ATAD3A: variants seen among roughly 807,000 people sequenced by gnomAD.
The protein encoded by ATAD3A is ATPase family AAA domain-containing protein 3A.
In ATAD3A, 46 loss-of-function variants were observed where a neutral mutation model predicts 73.8. That is an observed-to-expected ratio of 0.62 (90% CI 0.49 to 0.80). The LOEUF is 0.80. Among genes scored for constraint, ATAD3A ranks in the 30% least tolerant of loss-of-function variants. The pLI, the probability that ATAD3A is intolerant of heterozygous loss-of-function variation, is 0.00. For missense variants in ATAD3A, 705 were observed against 838.0 expected (o/e 0.84, Z 1.96); for synonymous variants, 319 against 350.0 (o/e 0.91, Z 0.99).
At chr1:1,531,433 C>T (rs1214082982) in intron 15 of ATAD3A, among the ~76,000 whole-genome samples, 1 of 141,032 alleles carries the variant, frequency 7.1e-6, no homozygotes, top group Non-Finnish European at 1.5e-5. Flanking sequence ...CCTGGCAACA[C>T]AGTGAGACTC....
intron 2 of ATAD3A, among the ~76,000 whole-genome samples, chr1:1,516,769 G>T (rs140098719): frequency 2.2e-4 from 34 of 152,116 alleles, no homozygotes; most frequent in African/African-American, 7.2e-4. Flanking sequence ...CCAGGCCGGT[G>T]TGCAGTGGCG....
intron 4 of ATAD3A, 67 bp from the exon 5 acceptor site, chr1:1,518,854 C>G (rs981876462): frequency 5.0e-6 from 8 of 1,613,334 alleles, no homozygotes; most frequent in Non-Finnish European, 6.8e-6. Flanking sequence ...GCACAGTCAT[C>G]CCCCGCACAC....
chr1:1,524,379 C>T lies in ATAD3A; in HGVS notation c.1196C>T (p.Ala399Val). The T allele has an allele frequency of 6.2e-7, 1 of 1,608,732 alleles. No homozygotes were observed. Among genetic ancestry groups the T allele is most frequent in the Non-Finnish European group, 8.5e-7 (1 of 1,178,066 alleles). Residue 399 changes from alanine (A) to valine (V), a missense_variant, in exon 11 of 16, where the codon GCC becomes GTC. Physicochemically the swap from Ala to Val is moderately conservative, Grantham distance 64 (BLOSUM62 0). Transcript: ENST00000378756. The stretch of plus-strand genomic sequence containing the variant: ...GCCATGCACAAGCTCTTTGACTGGG[C>T]CAATACCAGCCGGCGCGGGTGAGAC... ...VTAMHKLFDWANTSRRGLLLF... is the reference protein window; with the variant it reads ...VTAMHKLFDWVNTSRRGLLLF...
At position 1,534,515 on chromosome 1, in the gene ATAD3A, T is replaced by G. The variant is rs1642160965; in HGVS notation, c.*443T>G. On this transcript the variant is annotated 3_prime_UTR_variant, in exon 16 of 16. Coordinates refer to ENST00000378756, the MANE Select transcript of ATAD3A (RefSeq NM_001170535.3). ...GACCCAGGTGGGGCAGCCTGAACCC[T>G]GCTTCCCCCTGTGGCCGGCATGCCC... 1 of 617,334 alleles carries G rather than the reference T, an allele frequency of 1.6e-6. No homozygotes were observed. The highest frequency in any genetic ancestry group is 2.3e-6 in the Non-Finnish European group (1 of 439,616). The allele number at this position is 617,334 out of a possible 1,614,324, so 38.2% of individuals were successfully genotyped here. A position where few individuals can be genotyped will look rare whatever the true frequency, so the allele number is the denominator to read the frequency against.
At position 1,529,385 on chromosome 1, in the gene ATAD3A, T is replaced by A. The variant is rs1641959364; in HGVS notation, c.1614+54T>A. ...GACGGGACCCCAGCTGCTGTGGAGA[T>A]GCTCAGTTGCGCCAGGCCTGTCCCA... On this transcript the variant is annotated intron_variant, in intron 15 of 15. Coordinates refer to ENST00000378756, the MANE Select transcript of ATAD3A (RefSeq NM_001170535.3). 1.4e-5 allele frequency: 21 copies of A among 1,515,150 alleles called. No homozygotes were observed. The South Asian group carries it at 2.6e-4, about 19-fold the overall frequency. The allele number at this position is 1,515,150 out of a possible 1,614,324, so 93.9% of individuals were successfully genotyped here. A position where few individuals can be genotyped will look rare whatever the true frequency, so the allele number is the denominator to read the frequency against.
chr1:1,523,501 C>G lies in ATAD3A; in HGVS notation c.907-10C>G. 1.9e-6 allele frequency: 3 copies of G among 1,611,552 alleles called. No individual in the cohort carries two copies. The highest frequency in any genetic ancestry group is 2.5e-6 in the Non-Finnish European group (3 of 1,179,180). On this transcript the variant is annotated splice_polypyrimidine_tract_variant and intron_variant, in intron 8 of 15. Transcript: ENST00000378756. This position sits in a 1 kb window ranked among gnomAD's most constrained non-coding sequence, Gnocchi z 5.1. ...GTGACCCGATGGCGCTTCCCCTTCC[C>G]CTCCGGCAGGTCAGCCGGCGGCTCC...
chr1:1,525,982 A>G (rs1289244623), intron 12 of ATAD3A, among the ~76,000 whole-genome samples: 1 of 151,460 alleles, frequency 6.6e-6, no homozygotes, highest in Non-Finnish European at 1.5e-5. Flanking sequence ...TGCTGGGATT[A>G]CAGATGTGAG....
chr1:1,525,039 C>T (rs1294911631), intron 11 of ATAD3A, among the ~76,000 whole-genome samples: 1 of 152,210 alleles, frequency 6.6e-6, no homozygotes, highest in Non-Finnish European at 1.5e-5. Context: ...TTCCCACGGC[C>T]TTCTGAGGCT....
At position 1,534,172 on chromosome 1, in the gene ATAD3A, A is replaced by G. The variant is rs530853459; in HGVS notation, c.*100A>G. The G allele has an allele frequency of 6.9e-5, 110 of 1,592,770 alleles. No individual in the cohort carries two copies. The South Asian group carries it at 1.2e-3, about 17-fold the overall frequency. On this transcript the variant is annotated 3_prime_UTR_variant, in exon 16 of 16. Transcript: ENST00000378756. ...ATTTAGGATATGCTCCTGGGTGGGG[A>G]CTGGGCTGTGCCCAGGGCCTCTGTC...
chr1:1,515,858 G>A (rs1299814082), intron 1 of ATAD3A, among the ~76,000 whole-genome samples, 154 bp from the exon 2 acceptor site: 1 of 152,208 alleles, frequency 6.6e-6, no homozygotes, highest in African/African-American at 2.4e-5. Context: ...CGTCACGCCA[G>A]GTCTGACTAG....
At chr1:1,518,666 TACACACAC>T (rs113798902) in intron 4 of ATAD3A, among the ~76,000 whole-genome samples, 4 of 41,300 alleles carry the variant, frequency 9.7e-5, no homozygotes, top group Non-Finnish European at 1.4e-4. Context: ...CCCGCACGGG[TACACACAC>T]ACACACACAC....
chr1:1,524,919 T>C (rs1641747254), intron 11 of ATAD3A, among the ~76,000 whole-genome samples: 1 of 152,048 alleles, frequency 6.6e-6, no homozygotes, highest in Admixed American at 6.5e-5. Flanking sequence ...GACCTTTCAC[T>C]TTAGAAGACC....
rs760973349 is a variant in ATAD3A, at chr1:1,529,295, G to A, written c.1578G>A (p.Ser526=). 5 of 1,604,408 alleles carry A rather than the reference G, an allele frequency of 3.1e-6. No individual in the cohort carries two copies. The highest frequency in any genetic ancestry group is 4.3e-6 in the Non-Finnish European group (5 of 1,176,402). The change falls in exon 15 of 16, where the codon TCG becomes TCA. Residue 526 remains serine (S), a synonymous_variant. Coordinates refer to ENST00000378756, the MANE Select transcript of ATAD3A (RefSeq NM_001170535.3). The part of the protein sequence containing the change: ...SEVARLTEGM[S]GREIAQLAVS... ...TCGCTCGGCTGACGGAGGGCATGTC[G>A]GGCCGGGAGATCGCTCAGCTGGCCG...
intron 14 of ATAD3A, among the ~76,000 whole-genome samples, chr1:1,528,408 AC>A (rs1365052050): frequency 6.7e-6 from 1 of 149,202 alleles, no homozygotes. Flanking sequence ...TCCTCATGAG[AC>A]CCCCGTGTCG....
intron 2 of ATAD3A, among the ~76,000 whole-genome samples, chr1:1,516,305 A>C (rs1641355722): frequency 6.6e-6 from 1 of 151,804 alleles, no homozygotes; most frequent in Non-Finnish European, 1.5e-5. Context: ...GGTGTTGGTG[A>C]GGGCGTCTGG....
chr1:1,513,595 C>G (rs1314465223), intron 1 of ATAD3A, among the ~76,000 whole-genome samples: 2 of 151,988 alleles, frequency 1.3e-5, no homozygotes, highest in Non-Finnish European at 2.9e-5. Flanking sequence ...CTTTTGTTTC[C>G]TGTGGATTGT....
intron 1 of ATAD3A, among the ~76,000 whole-genome samples, chr1:1,515,187 C>G (rs1364749371): frequency 6.6e-6 from 1 of 152,206 alleles, no homozygotes; most frequent in Non-Finnish European, 1.5e-5. Context: ...AAGCCATCCT[C>G]CCACCTCAGC....
chr1:1,517,688 G>C, intron 3 of ATAD3A, 28 bp from the exon 4 acceptor site: 1 of 1,224,148 alleles, frequency 8.2e-7, no homozygotes. Context: ...CGGCTGAGAT[G>C]TGTCTTTGCC....
At chr1:1,521,431 C>T (rs1641596153) in intron 7 of ATAD3A, among the ~76,000 whole-genome samples, 1 of 151,760 alleles carries the variant, frequency 6.6e-6, no homozygotes, top group Non-Finnish European at 1.5e-5. Context: ...TAAAGCCTCA[C>T]TCTTTTGTGC....
Sources: gnomAD v4.1 joint callset for allele counts (sites outside exome capture counted in the v4.1 genomes callset) on GRCh38, gnomAD v4.1.1 for gene constraint, Gnocchi (gnomAD v3.1) non-coding constraint, MANE v1.5 for transcripts, NCBI Gene and HGNC (gene_info 2026-07-23, HGNC 2026-07-21) for gene names.